The following UNC5B variants were observed in gnomAD, a reference collection of about 807,000 sequenced individuals.
UNC5B encodes the protein netrin receptor UNC5B.
UNC5B carries 56 observed loss-of-function variants against 103.7 expected under a neutral mutation model. The observed-to-expected ratio is 0.54, with a 90% CI of 0.44 to 0.67. UNC5B has a LOEUF of 0.67. Ranked by LOEUF, UNC5B falls within the 30% of genes least tolerant of loss-of-function variation. The probability of loss-of-function intolerance (pLI) is 0.00; values close to 1 mark genes in which losing one functional copy is unlikely to be tolerated. For synonymous variants in UNC5B, 577 were observed against 542.0 expected (o/e 1.06, Z -0.90); for missense variants, 1,194 against 1,284.5 (o/e 0.93, Z 1.08).
At chr10:71,254,387 C>T (rs1288711764) in intron 1 of UNC5B, among the ~76,000 whole-genome samples, 9 of 152,220 alleles carry the variant, frequency 5.9e-5, no homozygotes, top group Non-Finnish European at 1.2e-4. Flanking sequence ...GGGTACCTGG[C>T]GTCCTGCTGT....
At chr10:71,227,671 TATATACATATATATACAC>T (rs1843596260) in intron 1 of UNC5B, among the ~76,000 whole-genome samples, 1 of 142,060 alleles carries the variant, frequency 7.0e-6, no homozygotes, top group Non-Finnish European at 1.5e-5. Context: ...TATATACACA[TATATACATATATATACAC>T]ATATATATAC....
chr10:71,232,607 G>C (rs1181332272), intron 1 of UNC5B, among the ~76,000 whole-genome samples: 1 of 152,270 alleles, frequency 6.6e-6, no homozygotes, highest in Non-Finnish European at 1.5e-5. Flanking sequence ...AGCTCCGCCA[G>C]TTGGCAGCCC....
In UNC5B at chr10:71,301,199, CTG is replaced by C. The variant is rs1343121954; in HGVS notation, c.*1923_*1924del. ...TCAGCACATCCTGGCCTTTGAAAGT[CTG>C]ATATCCTGAGAGGAGGGCAGGTTTT... is the stretch of plus-strand genomic sequence containing the variant. On this transcript the variant is annotated 3_prime_UTR_variant, in exon 17 of 17. Coordinates refer to ENST00000335350, the MANE Select transcript of UNC5B (RefSeq NM_170744.5). 2 of 152,306 alleles carry C rather than the reference CTG, an allele frequency of 1.3e-5. No individual in the cohort carries two copies. Among genetic ancestry groups the C allele is most frequent in the Non-Finnish European group, 2.9e-5 (2 of 68,126 alleles). 9.4% of individuals were successfully genotyped at this position (152,306 alleles called of 1,614,324 possible).
intron 1 of UNC5B, among the ~76,000 whole-genome samples, chr10:71,277,773 G>C (rs1844806678): frequency 6.6e-6 from 1 of 152,352 alleles, no homozygotes. Context: ...TCCCACATTA[G>C]CTACCCACTC....
At chr10:71,247,582 A>G (rs1189885682) in intron 1 of UNC5B, among the ~76,000 whole-genome samples, 1 of 152,022 alleles carries the variant, frequency 6.6e-6, no homozygotes, top group Admixed American at 6.6e-5. Context: ...CTGCACTTTA[A>G]CCTGGCACCC....
At chr10:71,276,008 A>G (rs1485534871) in intron 1 of UNC5B, among the ~76,000 whole-genome samples, 2 of 152,184 alleles carry the variant, frequency 1.3e-5, no homozygotes, top group Admixed American at 6.5e-5. Context: ...AGTGCCCGAC[A>G]GGTGCACACA....
chr10:71,297,802 G>A, intron 15 of UNC5B, 107 bp from the exon 16 acceptor site: 1 of 1,247,300 alleles, frequency 8.0e-7, no homozygotes, highest in Non-Finnish European at 1.1e-6. Flanking sequence ...GTCCAGAGGA[G>A]GTGGGAGTGA....
rs142597083 is a variant in UNC5B at position 71,291,753 on chromosome 10, G to T, written c.1616G>T (p.Arg539Leu). Reference protein sequence around the residue: ...LGSQQLLGLPRDPGSSVSGTF... With the variant: ...LGSQQLLGLPLDPGSSVSGTF... ...TCCCAGCAGCTCTTGGGCCTGCCCC[G>T]AGACCCAGGGAGCAGCGTCAGCGGC... The change falls in exon 10 of 17, where the codon CGA becomes CTA. Residue 539 changes from arginine (R) to leucine (L), a missense_variant. Physicochemically the swap from Arg to Leu is moderately radical, Grantham distance 102 (BLOSUM62 -2). Transcript: ENST00000335350. The T allele has an allele frequency of 1.2e-6, 2 of 1,610,226 alleles. No homozygotes were observed. Among genetic ancestry groups the T allele is most frequent in the Non-Finnish European group, 8.5e-7 (1 of 1,179,878 alleles).
chr10:71,232,335 T>C (rs1432393879), intron 1 of UNC5B, among the ~76,000 whole-genome samples: 1 of 152,244 alleles, frequency 6.6e-6, no homozygotes, highest in Non-Finnish European at 1.5e-5. Flanking sequence ...GCGTATGTGT[T>C]ATATGAGAAG....
rs777849781 is a variant in UNC5B at position 71,288,572 on chromosome 10, T to C, written c.906T>C (p.Asp302=). Reference sequence around the variant, plus strand: ...CTGTATGCCATGCTCTTACAGTCGATGGGGCGTGGACGGAGTGGAGCAAGT... The same window carrying C: ...CTGTATGCCATGCTCTTACAGTCGACGGGGCGTGGACGGAGTGGAGCAAGT... ...KTACTTICPV[D]GAWTEWSKWS... Residue 302 remains aspartate, a synonymous_variant, in exon 7 of 17, where the codon GAT becomes GAC. Transcript: ENST00000335350. 12 of 1,612,558 alleles carry C rather than the reference T, an allele frequency of 7.4e-6. No individual in the cohort carries two copies. Among genetic ancestry groups the C allele is most frequent in the Admixed American group, 3.3e-5 (2 of 59,834 alleles).
chr10:71,248,595 C>T (rs75575806), intron 1 of UNC5B, among the ~76,000 whole-genome samples: 1 of 152,170 alleles, frequency 6.6e-6, no homozygotes, highest in Non-Finnish European at 1.5e-5. Flanking sequence ...AATGGACACA[C>T]GGTTAGTGTA....
intron 1 of UNC5B, among the ~76,000 whole-genome samples, chr10:71,250,570 G>C (rs1027727662): frequency 6.6e-6 from 1 of 152,230 alleles, no homozygotes; most frequent in Non-Finnish European, 1.5e-5. Context: ...TGACTTCCCA[G>C]GGTGTAGTGT....
At chr10:71,223,930 G>T (rs1361549701) in intron 1 of UNC5B, among the ~76,000 whole-genome samples, 6 of 152,244 alleles carry the variant, frequency 3.9e-5, no homozygotes, top group African/African-American at 1.4e-4. Flanking sequence ...CAGGAGCTGG[G>T]CTTGGTGCAG....
chr10:71,288,897 T>C (rs1363921643), intron 7 of UNC5B, 61 bp from the exon 8 acceptor site: 2 of 1,598,316 alleles, frequency 1.3e-6, no homozygotes, highest in Non-Finnish European at 1.7e-6. Context: ...TCCCATTGCC[T>C]TCTCTGCCAC....
In UNC5B at chr10:71,212,896, A is replaced by G; in HGVS notation, c.-90A>G. On this transcript the variant is annotated 5_prime_UTR_variant, in exon 1 of 17. Transcript: ENST00000335350. ...CCGGGCGCCGGGGAGGACGGCGAGGAGGAGGCGGCGGCGGCGGAGACGGCG... is the reference window on the plus strand; with the variant it reads ...CCGGGCGCCGGGGAGGACGGCGAGGGGGAGGCGGCGGCGGCGGAGACGGCG... The G allele has an allele frequency of 4.7e-6, 5 of 1,065,112 alleles. No homozygotes were observed. Among genetic ancestry groups the G allele is most frequent in the Non-Finnish European group, 6.0e-6 (5 of 835,436 alleles). 66.0% of individuals were successfully genotyped at this position (1,065,112 alleles called of 1,614,324 possible).
chr10:71,232,451 G>A (rs1423001139), intron 1 of UNC5B, among the ~76,000 whole-genome samples: 1 of 152,256 alleles, frequency 6.6e-6, no homozygotes, highest in Non-Finnish European at 1.5e-5. Context: ...CTGAGCTGGT[G>A]GCCCAGCCCC....
At position 71,213,165 on chromosome 10, in the gene UNC5B, A is replaced by G; in HGVS notation, c.79+101A>G. 9.8e-7 allele frequency: 1 copy of G among 1,017,332 alleles called. No individual in the cohort carries two copies. The allele number at this position is 1,017,332 out of a possible 1,614,324, so 63.0% of individuals were successfully genotyped here. ...CTTTCGTCGCATCGATGCGCGCAGGAAAAGCGGCAAGGGCGCCCAAGTTAG... is the reference window on the plus strand; with the variant it reads ...CTTTCGTCGCATCGATGCGCGCAGGGAAAGCGGCAAGGGCGCCCAAGTTAG... On this transcript the variant is annotated intron_variant, in intron 1 of 16. Transcript: ENST00000335350. The surrounding 1 kb of genome is among the most constrained non-coding windows in gnomAD (Gnocchi z 4.1).
intron 6 of UNC5B, 142 bp downstream of exon 6, chr10:71,287,907 C>A: frequency 8.7e-7 from 1 of 1,144,700 alleles, no homozygotes; most frequent in Non-Finnish European, 1.2e-6. Context: ...GCTGCCCAGG[C>A]TGACTAGATG....
rs762325012 is a variant in UNC5B at position 71,295,839 on chromosome 10, G to A, written c.2204G>A (p.Gly735Asp). 3 of 1,612,678 alleles carry A rather than the reference G, an allele frequency of 1.9e-6. No homozygotes were observed. In the East Asian group the frequency reaches 6.7e-5, roughly 36 times the overall value. ...KEVLELERTL[G>D]GYLVEEPKPL... The stretch of plus-strand genomic sequence containing the variant: ...GTGCTGGAGCTGGAGCGGACTCTGG[G>A]CGGATACTTGGTGGAGGAGCCGAAA... Residue 735 changes from glycine to aspartate, a missense_variant, in exon 14 of 17, where the codon GGC (glycine) becomes GAC (aspartate). Physicochemically the swap from Gly to Asp is moderately conservative, Grantham distance 94 (BLOSUM62 -1). Transcript: ENST00000335350.
Sources: gnomAD v4.1 joint callset for allele counts (sites outside exome capture counted in the v4.1 genomes callset) on GRCh38, gnomAD v4.1.1 for gene constraint, Gnocchi (gnomAD v3.1) non-coding constraint, MANE v1.5 for transcripts, NCBI Gene and HGNC (gene_info 2026-07-23, HGNC 2026-07-21) for gene names.